The following MED13L variants were observed in gnomAD, a reference collection of about 807,000 sequenced individuals.
MED13L encodes the protein mediator of RNA polymerase II transcription subunit 13-like.
MED13L carries 7 observed loss-of-function variants against 220.9 expected under a neutral mutation model. The ratio of observed to expected loss-of-function variants is 0.03; its 90% confidence interval spans 0.02 to 0.06. The LOEUF is 0.06. Ranked by LOEUF, MED13L falls within the 10% of genes least tolerant of loss-of-function variation. The probability of loss-of-function intolerance (pLI) is 1.00; values close to 1 mark genes in which losing one functional copy is unlikely to be tolerated. For synonymous variants in MED13L, 1,011 were observed against 1,015.2 expected, an observed-to-expected ratio of 1.00 and a Z score of 0.08; for missense variants, 1,965 against 2,760.5, an observed-to-expected ratio of 0.71 and a Z score of 6.46.
intron 2 of MED13L, among the ~76,000 whole-genome samples, chr12:116,135,013 C>CA (rs1353731474): frequency 6.6e-6 from 1 of 151,990 alleles, no homozygotes; most frequent in Non-Finnish European, 1.5e-5. Flanking sequence ...ACTAAAAATA[C>CA]AAAAAATTAT....
chr12:116,103,464 T>C (rs752160182), intron 3 of MED13L, among the ~76,000 whole-genome samples: 1 of 152,152 alleles, frequency 6.6e-6, no homozygotes, highest in Non-Finnish European at 1.5e-5. Context: ...CTTTTATTTT[T>C]ATTTAGAGAT....
intron 4 of MED13L, among the ~76,000 whole-genome samples, chr12:116,046,143 A>T (rs565537985): frequency 6.6e-6 from 1 of 152,318 alleles, no homozygotes; most frequent in South Asian, 2.1e-4. Flanking sequence ...GCTGGTTTAT[A>T]GTCACTCACA....
At chr12:116,022,081 A>T (rs1440451314) in intron 5 of MED13L, among the ~76,000 whole-genome samples, 1 of 152,220 alleles carries the variant, frequency 6.6e-6, no homozygotes, top group African/African-American at 2.4e-5. Context: ...AAACCATTAC[A>T]TTCCTAAAAC....
chr12:116,080,971 A>T (rs1871205153), intron 4 of MED13L, among the ~76,000 whole-genome samples: 2 of 152,252 alleles, frequency 1.3e-5, no homozygotes, highest in Admixed American at 6.5e-5. Context: ...AAAACAATAA[A>T]GTTCAGGAAC....
At chr12:116,137,836 C>A (rs964361961) in intron 2 of MED13L, among the ~76,000 whole-genome samples, 1 of 150,468 alleles carries the variant, frequency 6.6e-6, no homozygotes, top group Non-Finnish European at 1.5e-5. Context: ...TACTTTTATA[C>A]CTTTATAATG....
At chr12:116,222,882 A>C (rs550157589) in intron 2 of MED13L, among the ~76,000 whole-genome samples, 2 of 152,338 alleles carry the variant, frequency 1.3e-5, no homozygotes, top group South Asian at 4.1e-4. Context: ...AAAACTATTA[A>C]AGATTTCATT....
intron 2 of MED13L, chr12:116,181,189 A>G (rs1565916165): frequency 6.6e-6 from 1 of 152,142 alleles, no homozygotes; most frequent in Non-Finnish European, 1.5e-5. Context: ...TCAGCCTCCC[A>G]AAGTACAGGC....
intron 8 of MED13L, among the ~76,000 whole-genome samples, chr12:116,013,858 T>A (rs957258339): frequency 5.9e-5 from 9 of 152,306 alleles, no homozygotes; most frequent in Admixed American, 2.6e-4. Context: ...TTGTCTCATC[T>A]CCCTGTTCTG....
chr12:116,166,457 C>G (rs1879282391), intron 2 of MED13L, among the ~76,000 whole-genome samples: 1 of 151,788 alleles, frequency 6.6e-6, no homozygotes, highest in Non-Finnish European at 1.5e-5. Context: ...AGGCGCTGGC[C>G]CGTGTAGTCC....
intron 1 of MED13L, chr12:116,276,730 A>T (rs1164993690): frequency 9.0e-7 from 1 of 1,105,654 alleles, no homozygotes; most frequent in South Asian, 1.7e-5. Flanking sequence ...AAAAGGGGGG[A>T]AAGGGGAGGA....
At chr12:115,984,714 G>T (rs567101605) in intron 19 of MED13L, among the ~76,000 whole-genome samples, 1 of 152,116 alleles carries the variant, frequency 6.6e-6, no homozygotes, top group African/African-American at 2.4e-5. Flanking sequence ...GTTGCTAACT[G>T]AGACATATGC....
chr12:116,067,815 G>A (rs1870065072), intron 4 of MED13L, among the ~76,000 whole-genome samples: 1 of 152,132 alleles, frequency 6.6e-6, no homozygotes. Context: ...CAAAAATAAG[G>A]ATGAACTGTG....
intron 2 of MED13L, among the ~76,000 whole-genome samples, chr12:116,170,867 C>A (rs949510301): frequency 1.3e-5 from 2 of 152,164 alleles, no homozygotes; most frequent in Non-Finnish European, 2.9e-5. Context: ...TCCCAGAGTG[C>A]TGGGATTACA....
rs867786649 is a variant in MED13L at position 116,277,086 on chromosome 12, C to A, written c.46G>T (p.Asp16Tyr). Residue 16 changes from aspartate to tyrosine, a missense_variant, in exon 1 of 31, where the codon GAT becomes TAT. Around this residue, in one of 10 missense-constraint regions of MED13L, gnomAD observed 818 missense variants for 1,041.2 expected, o/e 0.79. Transcript: ENST00000281928. ...AGCGAAAAGAGGTTGGAGTGACAAT[C>A]CTCCAGGCTCGCCCCGTTCGCCACC... is the stretch of plus-strand genomic sequence containing the variant. ...NWVANGASLE[D>Y]CHSNLFSLAE... 1 of 1,593,638 alleles carries A rather than the reference C, an allele frequency of 6.3e-7. No homozygotes were observed. Among genetic ancestry groups the A allele is most frequent in the Non-Finnish European group, 8.5e-7 (1 of 1,171,554 alleles).
chr12:116,197,542 G>A (rs1054010692), intron 2 of MED13L, among the ~76,000 whole-genome samples: 4 of 151,974 alleles, frequency 2.6e-5, no homozygotes, highest in South Asian at 2.1e-4. Flanking sequence ...CGAGGCGGGC[G>A]GATCACCTGA....
intron 2 of MED13L, among the ~76,000 whole-genome samples, chr12:116,235,973 T>C (rs1870042670): frequency 6.6e-6 from 1 of 152,120 alleles, no homozygotes. Context: ...AGACACTTTT[T>C]AAAAAGCTTT....
chr12:115,965,574 G>A (rs1876095877), intron 29 of MED13L, among the ~76,000 whole-genome samples: 1 of 152,130 alleles, frequency 6.6e-6, no homozygotes, highest in African/African-American at 2.4e-5. Flanking sequence ...CTGCAAGTAG[G>A]GGATCTTTTG....
chr12:116,050,424 A>G (rs1868383676), intron 4 of MED13L, among the ~76,000 whole-genome samples: 1 of 152,230 alleles, frequency 6.6e-6, no homozygotes, highest in African/African-American at 2.4e-5. Context: ...TATCTACTGA[A>G]TGTGAAACTA....
chr12:116,119,088 C>T (rs768987366), intron 2 of MED13L, among the ~76,000 whole-genome samples: 3 of 152,108 alleles, frequency 2.0e-5, no homozygotes, highest in Non-Finnish European at 4.4e-5. Flanking sequence ...CACTCAGTGT[C>T]GGGCTTCTTC....
Sources: allele counts gnomAD v4.1 joint callset (sites outside exome capture counted in the v4.1 genomes callset), GRCh38; gene constraint gnomAD v4.1.1; regional missense constraint gnomAD v4.1.1; transcripts MANE v1.5; gene names NCBI Gene and HGNC (gene_info 2026-07-23, HGNC 2026-07-21).